Variants in ODAD4 observed in about 807,000 individuals in gnomAD.
ODAD4 encodes the protein outer dynein arm-docking complex subunit 4.
ODAD4 carries 49 observed loss-of-function variants against 51.8 expected under a neutral mutation model. The ratio of observed to expected loss-of-function variants is 0.95; its 90% confidence interval spans 0.75 to 1.20. The LOEUF is 1.20. ODAD4 is among the 50% of genes most tolerant of loss of function. ODAD4 has a pLI of 0.00. For missense variants in ODAD4, 590 were observed against 586.5 expected, an observed-to-expected ratio of 1.01 and a Z score of -0.06; for synonymous variants, 235 against 221.3, an observed-to-expected ratio of 1.06 and a Z score of -0.55.
chr17:41,934,767 A>G (rs1399550209), intron 1 of ODAD4, among the ~76,000 whole-genome samples: 1 of 152,226 alleles, frequency 6.6e-6, no homozygotes, highest in African/African-American at 2.4e-5. Context: ...CCTCAAGTCC[A>G]CTTCAGAATG....
chr17:41,940,190 A>G (rs1219777452), intron 7 of ODAD4, among the ~76,000 whole-genome samples: 3 of 152,090 alleles, frequency 2.0e-5, no homozygotes, highest in Non-Finnish European at 2.9e-5. Context: ...TTGCCCTCAC[A>G]GTGCCCAGCC....
At chr17:41,943,894 G>T (rs1555639043) in intron 7 of ODAD4, among the ~76,000 whole-genome samples, 1 of 152,076 alleles carries the variant, frequency 6.6e-6, no homozygotes, top group African/African-American at 2.4e-5. Flanking sequence ...TGGAGGCCAG[G>T]GGTTTGAGAC....
intron 8 of ODAD4, among the ~76,000 whole-genome samples, chr17:41,947,801 AAAAATAAAAT>A (rs1188493878): frequency 1.5e-4 from 22 of 149,956 alleles, no homozygotes; most frequent in African/African-American, 2.0e-4. Context: ...GTCTCAAAGA[AAAAATAAAAT>A]AAAATAAAAT....
rs1555636604 is a variant in ODAD4, at chr17:41,930,736, G to A, written c.13G>A (p.Glu5Lys). 7 of 1,609,960 alleles carry A rather than the reference G, an allele frequency of 4.3e-6. No homozygotes were observed. Among genetic ancestry groups the A allele is most frequent in the South Asian group, 1.1e-5 (1 of 90,194 alleles). MSDP[E>K]GETLRSTFPS... ...AAATCCGGTCACCATGTCGGACCCC[G>A]AAGGCGAGACCTTGCGAAGCACCTT... The change falls in exon 1 of 12, where the codon GAA becomes AAA. Residue 5 changes from glutamate (E) to lysine (K), a missense_variant. Glu to Lys is a moderately conservative substitution (Grantham distance 56). Transcript: ENST00000377540.
chr17:41,941,559 C>G (rs541651262), intron 7 of ODAD4, among the ~76,000 whole-genome samples: 15 of 151,990 alleles, frequency 9.9e-5, no homozygotes, highest in Admixed American at 6.6e-5. Flanking sequence ...GTCAGGAGAT[C>G]GAGACCATCC....
chr17:41,963,292 C>T (rs2050829724), intron 11 of ODAD4, among the ~76,000 whole-genome samples: 1 of 152,066 alleles, frequency 6.6e-6, no homozygotes, highest in Admixed American at 6.6e-5. Flanking sequence ...TAACTTTTCT[C>T]CATAACTGAT....
intron 8 of ODAD4, among the ~76,000 whole-genome samples, chr17:41,946,585 A>G (rs1310117857): frequency 6.6e-6 from 1 of 152,252 alleles, no homozygotes; most frequent in Non-Finnish European, 1.5e-5. Flanking sequence ...ATGGCGTCCC[A>G]AAGTGCTGGG....
chr17:41,961,287 C>T, intron 10 of ODAD4, 95 bp from the exon 11 acceptor site: 4 of 671,542 alleles, frequency 6.0e-6, no homozygotes, highest in Non-Finnish European at 1.1e-5. Flanking sequence ...TGGCAGGTTC[C>T]CACCAGAGCC....
chr17:41,957,276 C>T (rs959833131), intron 10 of ODAD4, among the ~76,000 whole-genome samples: 6 of 152,096 alleles, frequency 3.9e-5, no homozygotes, highest in African/African-American at 1.4e-4. Flanking sequence ...TTCCATGGAC[C>T]GGTGGTGGGG....
chr17:41,944,722 A>G (rs1355441104), intron 7 of ODAD4, among the ~76,000 whole-genome samples: 1 of 151,790 alleles, frequency 6.6e-6, no homozygotes, highest in Non-Finnish European at 1.5e-5. Context: ...CCCGGCAGGT[A>G]GAGTTGCAGT....
At chr17:41,946,821 G>C (rs886926725) in intron 8 of ODAD4, among the ~76,000 whole-genome samples, 28 of 151,612 alleles carry the variant, frequency 1.8e-4, no homozygotes, top group African/African-American at 5.1e-4. Context: ...TGGGACTACA[G>C]TTGTGTGCCA....
Position 41,936,786 on chromosome 17 carries a change from C to A in ODAD4, c.484C>A (p.Gln162Lys). 1.9e-6 allele frequency: 3 copies of A among 1,613,978 alleles called. No individual in the cohort carries two copies. Among genetic ancestry groups the A allele is most frequent in the Non-Finnish European group, 2.5e-6 (3 of 1,179,880 alleles). The change falls in exon 5 of 12, where the codon CAG (glutamine) becomes AAG (lysine). Residue 162 changes from glutamine (Q) to lysine (K), a missense_variant. Around this residue, in one of 3 missense-constraint regions of ODAD4, gnomAD observed 360 missense variants for 407.5 expected, o/e 0.88. Transcript: ENST00000377540. Reference protein sequence around the residue: ...AENIKAQQKPQPMKHLLHPTK... With the variant: ...AENIKAQQKPKPMKHLLHPTK... ...GAATATAAAAGCCCAGCAGAAGCCTCAGCCCATGAAACACCTCTTACACCC... is the reference window on the plus strand; with the variant it reads ...GAATATAAAAGCCCAGCAGAAGCCTAAGCCCATGAAACACCTCTTACACCC...
At chr17:41,950,272 C>G (rs1328667334) in intron 9 of ODAD4, among the ~76,000 whole-genome samples, 1 of 151,688 alleles carries the variant, frequency 6.6e-6, no homozygotes, top group African/African-American at 2.4e-5. Context: ...ACCCAGCCAG[C>G]ATTCTTGTAT....
rs183775188 is a variant in ODAD4, at chr17:41,944,187, A to C, written c.1059-949A>C. On this transcript the variant is annotated intron_variant, in intron 7 of 11. Coordinates refer to ENST00000377540, the MANE Select transcript of ODAD4 (RefSeq NM_031421.5). ...ACTCCAGCCTGGGCCACAAGAGTGAAACTCCGTCTCAAAAAAAAAAAAAAA... is the reference window on the plus strand; with the variant it reads ...ACTCCAGCCTGGGCCACAAGAGTGACACTCCGTCTCAAAAAAAAAAAAAAA... Among the ~76,000 whole-genome samples, 93 of 149,910 alleles carry C rather than the reference A, an allele frequency of 6.2e-4. 1 individual carries two copies. Among genetic ancestry groups the C allele is most frequent in the Non-Finnish European group, 1.2e-3 (78 of 67,308 alleles).
At chr17:41,955,151 G>C (rs1446674088) in intron 9 of ODAD4, 66 bp from the exon 10 acceptor site, 1 of 736,364 alleles carries the variant, frequency 1.4e-6, no homozygotes, top group Admixed American at 1.9e-5. Flanking sequence ...AGTAGCCAGA[G>C]GCTCCATCAT....
At chr17:41,959,976 C>A (rs902815650) in intron 10 of ODAD4, among the ~76,000 whole-genome samples, 5 of 152,224 alleles carry the variant, frequency 3.3e-5, no homozygotes, top group African/African-American at 1.2e-4. Flanking sequence ...ATGCCATGTC[C>A]CCAGCTCTGG....
intron 10 of ODAD4, among the ~76,000 whole-genome samples, chr17:41,955,862 G>C: frequency 6.6e-6 from 1 of 151,948 alleles, no homozygotes; most frequent in Non-Finnish European, 1.5e-5. Flanking sequence ...GGCCAGGTCA[G>C]AATGCAGTGG....
At chr17:41,936,640 G>A (rs2050432195) in intron 4 of ODAD4, 106 bp downstream of exon 4, 1 of 1,520,354 alleles carries the variant, frequency 6.6e-7, no homozygotes. Context: ...CATACTCCGT[G>A]ACTCTTGGCC....
chr17:41,935,831 G>A lies in ODAD4; in HGVS notation c.397+82G>A, dbSNP rs2050418827. 5 of 1,536,160 alleles carry A rather than the reference G, an allele frequency of 3.3e-6. No homozygotes were observed. The South Asian group carries it at 5.9e-5, about 18-fold the overall frequency. Reference sequence around the variant, plus strand: ...TTAGAGGAAGGTTGAGTCACAGCAGGTGAGCAGCCACCACCAGGCCCGCAG... The same window carrying A: ...TTAGAGGAAGGTTGAGTCACAGCAGATGAGCAGCCACCACCAGGCCCGCAG... On this transcript the variant is annotated intron_variant, in intron 3 of 11. Coordinates refer to ENST00000377540, the MANE Select transcript of ODAD4 (RefSeq NM_031421.5).
Sources: allele counts gnomAD v4.1 joint callset (sites outside exome capture counted in the v4.1 genomes callset), GRCh38; gene constraint gnomAD v4.1.1; regional missense constraint gnomAD v4.1.1; transcripts MANE v1.5; gene names NCBI Gene and HGNC (gene_info 2026-07-23, HGNC 2026-07-21).